IL1R1: variants seen among roughly 807,000 people sequenced by gnomAD.
IL1R1 encodes the protein interleukin 1 receptor type 1, also known as interleukin-1 receptor type 1.
In IL1R1, 22 loss-of-function variants were observed where a neutral mutation model predicts 50.2. That is an observed-to-expected ratio of 0.44 (90% CI 0.31 to 0.63). IL1R1 has a LOEUF of 0.63. IL1R1 is among the 20% of genes least tolerant of loss of function. The probability of loss-of-function intolerance (pLI) is 0.07; values close to 1 mark genes in which losing one functional copy is unlikely to be tolerated. For synonymous variants in IL1R1, 251 were observed against 236.7 expected, an observed-to-expected ratio of 1.06 and a Z score of -0.55; for missense variants, 509 against 676.2, an observed-to-expected ratio of 0.75 and a Z score of 2.74.
intron 1 of IL1R1, among the ~76,000 whole-genome samples, chr2:102,130,592 T>G (rs746673657): frequency 6.6e-6 from 1 of 152,142 alleles, no homozygotes; most frequent in African/African-American, 2.4e-5. Flanking sequence ...GTCCTTTATC[T>G]GACATTGTTC....
chr2:102,152,563 TCTCTGCAAGAAG>T (rs1683778403), intron 1 of IL1R1, among the ~76,000 whole-genome samples: 1 of 136,386 alleles, frequency 7.3e-6, no homozygotes, highest in Admixed American at 7.6e-5. Context: ...GGAGTCACCT[TCTCTGCAAGAAG>T]CTTCCTGGGC....
intron 1 of IL1R1, among the ~76,000 whole-genome samples, chr2:102,107,183 G>C (rs185421966): frequency 6.6e-6 from 1 of 152,234 alleles, no homozygotes; most frequent in Admixed American, 6.5e-5. Context: ...GTGCTACTCT[G>C]CATGCACACG....
At chr2:102,129,293 A>ACAACAC (rs1486845626) in intron 1 of IL1R1, among the ~76,000 whole-genome samples, 18 of 151,818 alleles carry the variant, frequency 1.2e-4, no homozygotes, top group African/African-American at 1.9e-4. Flanking sequence ...AACAACAACA[A>ACAACAC]CAAAACCAAA....
At chr2:102,131,849 G>A (rs1302728573) in intron 1 of IL1R1, among the ~76,000 whole-genome samples, 2 of 152,006 alleles carry the variant, frequency 1.3e-5, no homozygotes, top group South Asian at 2.1e-4. Flanking sequence ...TACCCAAGAA[G>A]TTCAGTGAAC....
intron 2 of IL1R1, among the ~76,000 whole-genome samples, chr2:102,154,407 G>A (rs539635678): frequency 3.9e-5 from 6 of 152,256 alleles, no homozygotes; most frequent in Admixed American, 3.3e-4. Flanking sequence ...TGCTCACCTC[G>A]TTCCAAGAGA....
In IL1R1 at chr2:102,085,805, A is replaced by T. The variant is rs1236164585; in HGVS notation, c.-84+15272A>T. ...TAAATCAATTTGGGAATAACTGACA[A>T]CTTTACAACATCAAATCTTTCAATT... On this transcript the variant is annotated intron_variant, in intron 1 of 11. Transcript: ENST00000409929. 9.2e-5 allele frequency among the ~76,000 whole-genome samples: 14 copies of T among 152,280 alleles called. No homozygotes were observed. In the South Asian group the frequency reaches 2.9e-3, roughly 32 times the overall value.
At chr2:102,172,575 T>C (rs1224596518) in intron 8 of IL1R1, 112 bp from the exon 9 acceptor site, 10 of 1,092,780 alleles carry the variant, frequency 9.2e-6, no homozygotes, top group Non-Finnish European at 9.9e-6. Context: ...GGCAGGGTGA[T>C]TATTTCAGTG....
At chr2:102,080,938 A>C (rs907146204) in intron 1 of IL1R1, among the ~76,000 whole-genome samples, 3 of 152,244 alleles carry the variant, frequency 2.0e-5, no homozygotes, top group Non-Finnish European at 2.9e-5. Flanking sequence ...GCATTATGCT[A>C]AGTGAGAGGA....
chr2:102,132,572 A>T (rs1682098180), intron 1 of IL1R1, among the ~76,000 whole-genome samples: 1 of 152,184 alleles, frequency 6.6e-6, no homozygotes, highest in Non-Finnish European at 1.5e-5. Flanking sequence ...AAAAGATAAG[A>T]CATAATAAAG....
chr2:102,146,651 A>AC (rs1683147732), intron 1 of IL1R1, among the ~76,000 whole-genome samples: 1 of 152,198 alleles, frequency 6.6e-6, no homozygotes, highest in Non-Finnish European at 1.5e-5. Context: ...ATTCCTGAAA[A>AC]ATTTAGTGTG....
intron 1 of IL1R1, among the ~76,000 whole-genome samples, chr2:102,108,470 C>T (rs1489425328): frequency 2.6e-5 from 4 of 152,066 alleles, no homozygotes; most frequent in East Asian, 1.9e-4. Context: ...TCCTCAAAGA[C>T]GGGGTCCGGT....
chr2:102,121,433 C>T (rs1168080383), intron 1 of IL1R1, among the ~76,000 whole-genome samples: 2 of 152,254 alleles, frequency 1.3e-5, no homozygotes, highest in East Asian at 3.8e-4. Flanking sequence ...CATTTCCAGG[C>T]TGCTCCTCCA....
chr2:102,133,655 A>G (rs1388771220), intron 1 of IL1R1, among the ~76,000 whole-genome samples: 2 of 152,246 alleles, frequency 1.3e-5, no homozygotes, highest in African/African-American at 4.8e-5. Context: ...CTAAAAAAAG[A>G]AAAACAATCA....
intron 1 of IL1R1, among the ~76,000 whole-genome samples, chr2:102,089,011 T>C (rs967915096): frequency 5.3e-5 from 8 of 152,358 alleles, no homozygotes; most frequent in African/African-American, 1.9e-4. Flanking sequence ...TGATCTATTA[T>C]TGACACTACT....
chr2:102,149,749 T>A (rs1683486323), intron 1 of IL1R1, among the ~76,000 whole-genome samples: 1 of 152,038 alleles, frequency 6.6e-6, no homozygotes, highest in Non-Finnish European at 1.5e-5. Context: ...CACCTACCTG[T>A]GTGCATGCTC....
chr2:102,157,591 C>A (rs1056984899), intron 2 of IL1R1, 128 bp from the exon 3 acceptor site: 1 of 671,824 alleles, frequency 1.5e-6, no homozygotes, highest in East Asian at 2.7e-5. Flanking sequence ...TGTAGAAAAA[C>A]CAGTTCATCA....
At chr2:102,143,441 A>T (rs1158281365) in intron 1 of IL1R1, among the ~76,000 whole-genome samples, 1 of 152,172 alleles carries the variant, frequency 6.6e-6, no homozygotes, top group East Asian at 1.9e-4. Flanking sequence ...GCCCCTCCAG[A>T]TAAAGGATGG....
intron 1 of IL1R1, among the ~76,000 whole-genome samples, chr2:102,078,169 A>C (rs549401583): frequency 5.3e-4 from 80 of 152,228 alleles, no homozygotes; most frequent in Non-Finnish European, 1.0e-3. Context: ...AAAGAAGAGA[A>C]TACTAAATGC....
At chr2:102,074,856 C>A (rs1678892253) in intron 1 of IL1R1, among the ~76,000 whole-genome samples, 2 of 152,110 alleles carry the variant, frequency 1.3e-5, no homozygotes, top group African/African-American at 4.8e-5. Context: ...CTTTACTAAA[C>A]ATTTCTGCAT....
Sources: gnomAD v4.1 joint callset for allele counts (sites outside exome capture counted in the v4.1 genomes callset) on GRCh38, gnomAD v4.1.1 for gene constraint, MANE v1.5 for transcripts, NCBI Gene and HGNC (gene_info 2026-07-23, HGNC 2026-07-21) for gene names.